Variants in LGSN observed in about 807,000 individuals in gnomAD.
The protein encoded by LGSN is lengsin.
In LGSN, 21 loss-of-function variants were observed where a neutral mutation model predicts 19.5. The ratio of observed to expected loss-of-function variants is 1.07; its 90% CI spans 0.76 to 1.55. LGSN has a LOEUF of 1.55. Among genes scored for constraint, LGSN ranks in the 40% most tolerant of loss-of-function variants. The pLI is 0.00. For missense variants in LGSN, 673 were observed against 608.5 expected (o/e 1.11, Z -1.12); for synonymous variants, 257 against 215.6 (o/e 1.19, Z -1.68).
At chr6:63,470,283 C>T in the LGSN span, among the ~76,000 whole-genome samples, 29 of 151,686 alleles carry the variant, frequency 1.9e-4, no homozygotes, top group Admixed American at 7.2e-4. Flanking sequence ...ACCTGACTAA[C>T]GTGGCAAAAC....
chr6:63,432,194 A>G, the LGSN span, among the ~76,000 whole-genome samples: 69 of 28,486 alleles, frequency 2.4e-3, no homozygotes, highest in East Asian at 0.012. Flanking sequence ...AAAAGAAAAG[A>G]AAAGAAAAGA....
the LGSN span, among the ~76,000 whole-genome samples, chr6:63,457,735 C>T: frequency 6.6e-6 from 1 of 151,862 alleles, no homozygotes; most frequent in African/African-American, 2.4e-5. Flanking sequence ...AAAAATTAGC[C>T]AGACATGGTA....
At chr6:63,408,864 G>A in the LGSN span, among the ~76,000 whole-genome samples, 3 of 152,142 alleles carry the variant, frequency 2.0e-5, no homozygotes, top group Non-Finnish European at 4.4e-5. Context: ...TCAAAAAAAA[G>A]TATTTCTATA....
intron 3 of LGSN, 56 bp downstream of exon 3, chr6:63,285,531 T>C (rs1415188519): frequency 3.0e-6 from 4 of 1,342,874 alleles, no homozygotes; most frequent in East Asian, 4.6e-5. Context: ...TAATAAGAAC[T>C]GTTTGCTTGC....
chr6:63,399,570 A>G, the LGSN span, among the ~76,000 whole-genome samples: 1 of 151,466 alleles, frequency 6.6e-6, no homozygotes, highest in Non-Finnish European at 1.5e-5. Flanking sequence ...AATTTCTTGT[A>G]TTTTTAGTAG....
At chr6:63,432,179 G>GAAAGAAAGGGAAAGAAAGA in the LGSN span, among the ~76,000 whole-genome samples, 21 of 113,560 alleles carry the variant, frequency 1.8e-4, 2 homozygotes, top group African/African-American at 5.8e-4. Flanking sequence ...GAAAAGGAAA[G>GAAAGAAAGGGAAAGAAAGA]AAAGAAAAGA....
the LGSN span, among the ~76,000 whole-genome samples, chr6:63,375,732 G>A: frequency 6.6e-6 from 1 of 152,050 alleles, no homozygotes; most frequent in Non-Finnish European, 1.5e-5. Flanking sequence ...AGATAATGCT[G>A]AGTTTGGAAA....
the LGSN span, among the ~76,000 whole-genome samples, chr6:63,561,358 T>C: frequency 3.9e-5 from 6 of 152,178 alleles, no homozygotes; most frequent in African/African-American, 1.2e-4. Context: ...ACTCAATAAA[T>C]GTCAGTCAAT....
chr6:63,283,134 T>G (rs1767383332), intron 3 of LGSN, among the ~76,000 whole-genome samples: 2 of 152,156 alleles, frequency 1.3e-5, no homozygotes, highest in Non-Finnish European at 2.9e-5. Flanking sequence ...TTAATTCATA[T>G]TTTTTTGAAC....
At chr6:63,513,910 CAAA>C in the LGSN span, among the ~76,000 whole-genome samples, 1 of 10,682 alleles carries the variant, frequency 9.4e-5, no homozygotes, top group African/African-American at 4.2e-4. Context: ...GACTTCATCT[CAAA>C]AAAAAAAAAA....
chr6:63,362,985 C>G, the LGSN span, among the ~76,000 whole-genome samples: 1 of 152,194 alleles, frequency 6.6e-6, no homozygotes. Flanking sequence ...AGGTGCCCCT[C>G]TGAGACGAAG....
At chr6:63,321,319 G>C (rs1769074665), upstream of LGSN, among the ~76,000 whole-genome samples, 1 of 152,024 alleles carries the variant, frequency 6.6e-6, no homozygotes, top group South Asian at 2.1e-4. Flanking sequence ...AAAATGTTTT[G>C]TGAAAAATTT....
At chr6:63,513,936 A>AAAAAAC in the LGSN span, among the ~76,000 whole-genome samples, 5 of 150,440 alleles carry the variant, frequency 3.3e-5, no homozygotes, top group African/African-American at 1.2e-4. Context: ...AAAAAAAAAA[A>AAAAAAC]CACTGGAAAA....
chr6:63,411,500 G>T, the LGSN span, among the ~76,000 whole-genome samples: 1 of 152,064 alleles, frequency 6.6e-6, no homozygotes, highest in African/African-American at 2.4e-5. Context: ...ACTATTAATG[G>T]TAATAATAAT....
At chr6:63,400,058 A>G in the LGSN span, among the ~76,000 whole-genome samples, 1 of 152,186 alleles carries the variant, frequency 6.6e-6, no homozygotes, top group African/African-American at 2.4e-5. Flanking sequence ...ATAGACTTCA[A>G]ATTTATTGCA....
At chr6:63,340,956 A>C in the LGSN span, among the ~76,000 whole-genome samples, 2 of 152,204 alleles carry the variant, frequency 1.3e-5, no homozygotes, top group Admixed American at 1.3e-4. Context: ...TTTTTCCTGT[A>C]AAAGTATCTA....
intron 1 of LGSN, among the ~76,000 whole-genome samples, chr6:63,295,637 T>G (rs1166199147): frequency 1.3e-5 from 2 of 152,232 alleles, no homozygotes; most frequent in Admixed American, 6.5e-5. Context: ...AACCATTTTA[T>G]AGCTTAAGAA....
chr6:63,367,506 G>C, the LGSN span, among the ~76,000 whole-genome samples: 45 of 152,056 alleles, frequency 3.0e-4, no homozygotes, highest in East Asian at 7.4e-3. Context: ...CTGTAAACTA[G>C]TTCAACCATT....
chr6:63,357,275 T>C, the LGSN span, among the ~76,000 whole-genome samples: 1 of 152,190 alleles, frequency 6.6e-6, no homozygotes, highest in East Asian at 1.9e-4. Flanking sequence ...CTATTGTGAA[T>C]ACTGCCTCAG....
Sources: allele counts gnomAD v4.1 joint callset (sites outside exome capture counted in the v4.1 genomes callset), GRCh38; gene constraint gnomAD v4.1.1; transcripts MANE v1.5; gene names NCBI Gene and HGNC (gene_info 2026-07-23, HGNC 2026-07-21).